The following ABHD18 variants were observed in gnomAD, a reference collection of about 807,000 sequenced individuals.
The protein encoded by ABHD18 is abhydrolase domain containing 18.
In ABHD18, 55 loss-of-function variants were observed where a neutral mutation model predicts 65.9. The ratio of observed to expected loss-of-function variants is 0.84; its 90% CI spans 0.67 to 1.05. ABHD18 has a LOEUF of 1.05. Among genes scored for constraint, ABHD18 ranks in the 50% least tolerant of loss-of-function variants. The pLI is 0.00. For synonymous variants in ABHD18, 181 were observed against 180.2 expected (o/e 1.00, Z -0.04); for missense variants, 533 against 558.5 (o/e 0.95, Z 0.46).
intron 11 of ABHD18, among the ~76,000 whole-genome samples, chr4:128,029,458 A>T (rs1757893286): frequency 6.6e-6 from 1 of 152,106 alleles, no homozygotes; most frequent in South Asian, 2.1e-4. Context: ...CGGTGGGAGG[A>T]CCGCTTGAGC....
At chr4:127,979,416 G>A (rs1176432638) in intron 1 of ABHD18, among the ~76,000 whole-genome samples, 6 of 152,218 alleles carry the variant, frequency 3.9e-5, no homozygotes, top group Non-Finnish European at 7.4e-5. Flanking sequence ...TTAGCCAGGC[G>A]TGGTGGCGGG....
intron 1 of ABHD18, among the ~76,000 whole-genome samples, chr4:127,975,206 A>G (rs2149048807): frequency 1.3e-5 from 2 of 152,168 alleles, no homozygotes; most frequent in South Asian, 4.2e-4. Flanking sequence ...TTCAAAGGTA[A>G]GTATATTTAT....
At chr4:127,994,542 G>A (rs549337694) in intron 4 of ABHD18, among the ~76,000 whole-genome samples, 37 of 152,170 alleles carry the variant, frequency 2.4e-4, no homozygotes, top group Middle Eastern at 6.8e-3. Flanking sequence ...AGCCGAGATC[G>A]TGCCATTGCA....
At chr4:128,028,036 G>A (rs1032885088) in intron 10 of ABHD18, among the ~76,000 whole-genome samples, 1 of 152,060 alleles carries the variant, frequency 6.6e-6, no homozygotes, top group African/African-American at 2.4e-5. Flanking sequence ...TAGTTCAGTG[G>A]CATTAAGTAT....
chr4:128,011,889 T>C (rs1754644038), intron 7 of ABHD18, among the ~76,000 whole-genome samples, 189 bp downstream of exon 7: 1 of 152,164 alleles, frequency 6.6e-6, no homozygotes, highest in South Asian at 2.1e-4. Context: ...TGCATTTTAA[T>C]GTCTGTTAAG....
At chr4:128,002,992 C>T (rs1231431336) in intron 4 of ABHD18, among the ~76,000 whole-genome samples, 1 of 152,152 alleles carries the variant, frequency 6.6e-6, no homozygotes, top group Non-Finnish European at 1.5e-5. Flanking sequence ...ATTTATCTCT[C>T]TGAATTTTTG....
At chr4:127,971,806 T>C (rs1404913797) in intron 1 of ABHD18, among the ~76,000 whole-genome samples, 1 of 152,076 alleles carries the variant, frequency 6.6e-6, no homozygotes, top group Admixed American at 6.6e-5. Flanking sequence ...GGCATCTTAT[T>C]TGGAATATGT....
At chr4:127,981,206 T>C (rs1214841632) in intron 1 of ABHD18, among the ~76,000 whole-genome samples, 2 of 152,202 alleles carry the variant, frequency 1.3e-5, no homozygotes, top group Admixed American at 6.5e-5. Flanking sequence ...TTTGTCAGGG[T>C]ATTAAATGTA....
chr4:128,001,101 C>T (rs966104263), intron 4 of ABHD18, among the ~76,000 whole-genome samples: 5 of 152,068 alleles, frequency 3.3e-5, no homozygotes, highest in Non-Finnish European at 7.4e-5. Context: ...GGTTGACTTC[C>T]TCTGTTTCTA....
chr4:128,034,606 G>T (rs1270649144), intron 12 of ABHD18, among the ~76,000 whole-genome samples: 1 of 151,632 alleles, frequency 6.6e-6, no homozygotes, highest in Non-Finnish European at 1.5e-5. Flanking sequence ...AAAAAGAAAA[G>T]AAAAAATATC....
intron 4 of ABHD18, among the ~76,000 whole-genome samples, chr4:128,007,852 T>C (rs779552498): frequency 3.9e-5 from 6 of 152,148 alleles, no homozygotes; most frequent in Non-Finnish European, 8.8e-5. Context: ...TGAATCAGAT[T>C]CTATCATATA....
At chr4:128,001,602 GCCTTTATTAT>G in intron 4 of ABHD18, 2 of 952,746 alleles carry the variant, frequency 2.1e-6, no homozygotes, top group Non-Finnish European at 2.9e-6. Context: ...ATGTAAAGAT[GCCTTTATTAT>G]CCCTCATACT....
At chr4:127,979,915 C>CAAAAAAAA (rs59944314) in intron 1 of ABHD18, among the ~76,000 whole-genome samples, 8 of 66,498 alleles carry the variant, frequency 1.2e-4, no homozygotes, top group South Asian at 5.5e-4. Context: ...GACTCCATCT[C>CAAAAAAAA]AAAAAAAAAA....
At chr4:127,974,401 ACTGTGTCACC>A (rs1353334374) in intron 1 of ABHD18, among the ~76,000 whole-genome samples, 1 of 151,358 alleles carries the variant, frequency 6.6e-6, no homozygotes, top group Non-Finnish European at 1.5e-5. Flanking sequence ...ATAAGGTCTC[ACTGTGTCACC>A]CTGGCCTGGA....
intron 9 of ABHD18, 57 bp from the exon 10 acceptor site, chr4:128,021,080 G>T: frequency 3.2e-5 from 30 of 950,320 alleles, no homozygotes; most frequent in Non-Finnish European, 4.4e-5. Context: ...AATAATAAAA[G>T]TATTGGGCAA....
intron 4 of ABHD18, among the ~76,000 whole-genome samples, chr4:128,006,308 A>C (rs1049834486): frequency 6.6e-6 from 1 of 152,214 alleles, no homozygotes; most frequent in Non-Finnish European, 1.5e-5. Context: ...TACTGAAAAA[A>C]TTCTTAAGTG....
At chr4:127,981,734 A>G (rs941425397) in intron 1 of ABHD18, among the ~76,000 whole-genome samples, 4 of 152,146 alleles carry the variant, frequency 2.6e-5, no homozygotes, top group African/African-American at 7.2e-5. Flanking sequence ...TATGCAATAC[A>G]TTTTTTTGAA....
intron 12 of ABHD18, among the ~76,000 whole-genome samples, chr4:128,032,367 C>G (rs1307133577): frequency 1.3e-5 from 2 of 152,124 alleles, no homozygotes; most frequent in Non-Finnish European, 2.9e-5. Context: ...TTTAAAAATT[C>G]AGTCTTTTCA....
At chr4:127,973,382 T>C (rs564885467) in intron 1 of ABHD18, among the ~76,000 whole-genome samples, 1 of 151,042 alleles carries the variant, frequency 6.6e-6, no homozygotes, top group Admixed American at 6.6e-5. Context: ...AGTTTGGGGG[T>C]TTTTTTTTCC....
Sources: allele counts gnomAD v4.1 joint callset (sites outside exome capture counted in the v4.1 genomes callset), GRCh38; gene constraint gnomAD v4.1.1; transcripts MANE v1.5; gene names NCBI Gene and HGNC (gene_info 2026-07-23, HGNC 2026-07-21).